Variants in COL6A6 observed in about 807,000 individuals in gnomAD.
COL6A6 encodes collagen type VI alpha 6 chain, also known as collagen alpha-6(VI) chain.
COL6A6 carries 183 observed loss-of-function variants against 208.6 expected under a neutral mutation model. That is an observed-to-expected ratio of 0.88 (90% CI 0.78 to 0.99). COL6A6 has a LOEUF of 0.99. COL6A6 is among the 50% of genes least tolerant of loss of function. The pLI is 0.00. For synonymous variants in COL6A6, 973 were observed against 1,011.8 expected, an observed-to-expected ratio of 0.96 and a Z score of 0.73; for missense variants, 2,816 against 2,815.2, an observed-to-expected ratio of 1.00 and a Z score of -0.01.
At chr3:130,561,817 T>C (rs2062894868) in intron 2 of COL6A6, among the ~76,000 whole-genome samples, 1 of 151,464 alleles carries the variant, frequency 6.6e-6, no homozygotes, top group African/African-American at 2.4e-5. Context: ...CGCGCCCGGC[T>C]AATTTTTTGT....
rs2064269957 is a variant in COL6A6, at chr3:130,608,933, T to C, written c.4721T>C (p.Leu1574Pro). ...GTAGIPGPDG[L>P]EGSLGLKGPQ... The stretch of plus-strand genomic sequence containing the variant: ...GCAGGCATCCCAGGACCAGATGGAC[T>C]TGAAGGCTCCCTGGGACTTAAGGGC... The change falls in exon 22 of 37, where the codon CTT becomes CCT. Residue 1574 changes from leucine (L) to proline (P), a missense_variant. By Grantham distance (98) the Leu-to-Pro change is moderately conservative. Coordinates refer to ENST00000358511, the MANE Select transcript of COL6A6 (RefSeq NM_001102608.3). 1 of 1,613,482 alleles carries C rather than the reference T, an allele frequency of 6.2e-7. No homozygotes were observed. The highest frequency in any genetic ancestry group is 8.5e-7 in the Non-Finnish European group (1 of 1,179,700).
chr3:130,641,627 A>G lies in COL6A6; in HGVS notation c.5092-25A>G, dbSNP rs191958544. On this transcript the variant is annotated intron_variant, in intron 28 of 36. Transcript: ENST00000358511. ...ACACATACATATATGTATAAATACA[A>G]TTTTAAAATAAATTCTCCTTTGAGA... The G allele has an allele frequency of 2.0e-4, 276 of 1,393,976 alleles. No homozygotes were observed. The African/African-American group carries it at 3.4e-3, about 17-fold the overall frequency. The allele number at this position is 1,393,976 out of a possible 1,614,324, so 86.4% of individuals were successfully genotyped here.
At chr3:130,547,391 C>T (rs2062537819) in intron 1 of COL6A6, among the ~76,000 whole-genome samples, 1 of 152,376 alleles carries the variant, frequency 6.6e-6, no homozygotes, top group Non-Finnish European at 1.5e-5. Flanking sequence ...ACTGGGAACT[C>T]GCACTGGCCT....
rs767084750 is a variant in COL6A6, at chr3:130,641,719, G to A, written c.5154+5G>A. 1.9e-6 allele frequency: 3 copies of A among 1,560,008 alleles called. No individual in the cohort carries two copies. Among genetic ancestry groups the A allele is most frequent in the Non-Finnish European group, 2.6e-6 (3 of 1,134,928 alleles). On this transcript the variant is annotated splice_donor_5th_base_variant and intron_variant, in intron 29 of 36. Coordinates refer to ENST00000358511, the MANE Select transcript of COL6A6 (RefSeq NM_001102608.3). ...CCAGGACCTCCTGGACGTAAGGTAAGTAGAAAAACTATAAACCACAGCAGG... is the reference window on the plus strand; with the variant it reads ...CCAGGACCTCCTGGACGTAAGGTAAATAGAAAAACTATAAACCACAGCAGG...
In COL6A6 at chr3:130,621,829, A is replaced by G; in HGVS notation, c.4824A>G (p.Pro1608=). Residue 1608 remains proline, a synonymous_variant, in exon 24 of 37, where the codon CCA becomes CCG. Coordinates refer to ENST00000358511, the MANE Select transcript of COL6A6 (RefSeq NM_001102608.3). The part of the protein sequence containing the change: ...GVGSKGPQGP[P]GPGGEAGNQG... Reference sequence around the variant, plus strand: ...CCCTTGTTTTGTTTCAGGGGCCTCCAGGACCCGGAGGAGAGGCAGGGAATC... The same window carrying G: ...CCCTTGTTTTGTTTCAGGGGCCTCCGGGACCCGGAGGAGAGGCAGGGAATC... 1.9e-6 allele frequency: 3 copies of G among 1,613,770 alleles called. 1 individual carries two copies. The highest frequency in any genetic ancestry group is 2.2e-5 in the South Asian group (2 of 91,058).
chr3:130,526,030 C>A (rs2061954214), intron 1 of COL6A6, among the ~76,000 whole-genome samples: 1 of 151,848 alleles, frequency 6.6e-6, no homozygotes, highest in Admixed American at 6.6e-5. Context: ...ATTCTAGGTG[C>A]TGGAAAACAG....
intron 32 of COL6A6, 99 bp downstream of exon 32, chr3:130,645,101 A>G: frequency 8.7e-7 from 1 of 1,150,676 alleles, no homozygotes; most frequent in Non-Finnish European, 1.3e-6. Context: ...CAAATGACAC[A>G]AATTTTATCT....
intron 32 of COL6A6, among the ~76,000 whole-genome samples, 158 bp downstream of exon 32, chr3:130,645,160 A>G (rs557542930): frequency 6.6e-6 from 1 of 152,306 alleles, no homozygotes; most frequent in East Asian, 1.9e-4. Flanking sequence ...CTTGCCTCCA[A>G]TAAATCACTC....
At chr3:130,556,557 A>G (rs1392792237) in intron 1 of COL6A6, among the ~76,000 whole-genome samples, 1 of 151,876 alleles carries the variant, frequency 6.6e-6, no homozygotes, top group African/African-American at 2.4e-5. Context: ...ATGATTATCT[A>G]TTTGCATTTT....
At chr3:130,672,672 A>C (rs1400933329) in intron 36 of COL6A6, among the ~76,000 whole-genome samples, 2 of 151,406 alleles carry the variant, frequency 1.3e-5, no homozygotes, top group Non-Finnish European at 2.9e-5. Flanking sequence ...CCAAAGTGCT[A>C]GGATTACAGG....
intron 26 of COL6A6, among the ~76,000 whole-genome samples, chr3:130,634,242 T>TAAAAAAAAAAAAAAAA (rs202193097): frequency 2.0e-3 from 47 of 23,770 alleles, no homozygotes; most frequent in Non-Finnish European, 2.4e-3. Flanking sequence ...AATAAATAAA[T>TAAAAAAAAAAAAAAAA]AAAAAAAAAA....
intron 1 of COL6A6, among the ~76,000 whole-genome samples, chr3:130,547,421 C>CCCA (rs1288943867): frequency 3.7e-4 from 56 of 152,388 alleles, no homozygotes; most frequent in African/African-American, 1.2e-3. Context: ...GCACACAGCC[C>CCCA]TTGGTTCTGG....
intron 13 of COL6A6, 22 bp from the exon 14 acceptor site, chr3:130,592,519 T>G: frequency 1.3e-6 from 2 of 1,557,450 alleles, no homozygotes; most frequent in Non-Finnish European, 1.7e-6. Flanking sequence ...AAAAGCTCAT[T>G]TGGATATGTG....
chr3:130,565,904 TC>T (rs1377767873), intron 4 of COL6A6, among the ~76,000 whole-genome samples: 1 of 152,204 alleles, frequency 6.6e-6, no homozygotes, highest in Non-Finnish European at 1.5e-5. Flanking sequence ...TTTTCTCTCT[TC>T]TTTTGTCTTT....
intron 8 of COL6A6, among the ~76,000 whole-genome samples, chr3:130,580,677 TGAAAG>T (rs1277613474): frequency 2.0e-5 from 3 of 152,320 alleles, no homozygotes; most frequent in African/African-American, 4.8e-5. Context: ...TAAAAATTCG[TGAAAG>T]GAGAGTGTAT....
chr3:130,522,317 G>A (rs1444088174), intron 1 of COL6A6, among the ~76,000 whole-genome samples: 1 of 152,176 alleles, frequency 6.6e-6, no homozygotes, highest in Non-Finnish European at 1.5e-5. Flanking sequence ...GGGACATGGA[G>A]GGAGATATCA....
intron 28 of COL6A6, among the ~76,000 whole-genome samples, chr3:130,638,747 G>T (rs1263471462): frequency 1.3e-5 from 2 of 152,160 alleles, no homozygotes; most frequent in Non-Finnish European, 2.9e-5. Flanking sequence ...TCAGAATTTT[G>T]AAGGCTGTCA....
At chr3:130,572,986 T>G (rs2063201781) in intron 7 of COL6A6, among the ~76,000 whole-genome samples, 1 of 152,240 alleles carries the variant, frequency 6.6e-6, no homozygotes, top group Non-Finnish European at 1.5e-5. Context: ...TCTTCTTGTT[T>G]TATATTTGCT....
intron 6 of COL6A6, 123 bp downstream of exon 6, chr3:130,568,727 C>T: frequency 2.1e-6 from 2 of 965,492 alleles, no homozygotes; most frequent in Non-Finnish European, 3.0e-6. Flanking sequence ...AATGTTTCTC[C>T]TAGTGGCTTT....
Sources: gnomAD v4.1 joint callset for allele counts (sites outside exome capture counted in the v4.1 genomes callset) on GRCh38, gnomAD v4.1.1 for gene constraint, MANE v1.5 for transcripts, NCBI Gene and HGNC (gene_info 2026-07-23, HGNC 2026-07-21) for gene names.